The following FAM184B variants were observed in gnomAD, a reference collection of about 807,000 sequenced individuals.
The protein encoded by FAM184B is family with sequence similarity 184 member B, also known as protein FAM184B.
FAM184B carries 111 observed loss-of-function variants against 135.9 expected under a neutral mutation model. The observed-to-expected ratio is 0.82, with a 90% CI of 0.70 to 0.96. The LOEUF (loss-of-function observed/expected upper bound fraction) is 0.96. Ranked by LOEUF, FAM184B falls within the 40% of genes least tolerant of loss-of-function variation. The probability of loss-of-function intolerance (pLI) is 0.00; values close to 1 mark genes in which losing one functional copy is unlikely to be tolerated. For synonymous variants in FAM184B, 552 were observed against 524.8 expected, an observed-to-expected ratio of 1.05 and a Z score of -0.71; for missense variants, 1,375 against 1,323.9, an observed-to-expected ratio of 1.04 and a Z score of -0.60.
chr4:17,652,904 G>A lies in FAM184B; in HGVS notation c.2117C>T (p.Ala706Val), dbSNP rs1400852491. Residue 706 changes from alanine to valine, a missense_variant, in exon 11 of 18, where the codon GCC (alanine) becomes GTC (valine). Transcript: ENST00000265018. ...CTCTTGCCTGGCCTTTTCCTCCAAG[G>A]CCTGGAGCTCCAGTCGGTGTGTCTG... is the stretch of plus-strand genomic sequence containing the variant. The part of the protein sequence containing the change: ...QHQTHRLELQ[A>V]LEEKARQELQ... 7.1e-6 allele frequency: 11 copies of A among 1,551,728 alleles called. No individual in the cohort carries two copies. The highest frequency in any genetic ancestry group is 7.8e-6 in the Non-Finnish European group (9 of 1,146,994).
intron 16 of FAM184B, 148 bp downstream of exon 16, chr4:17,634,861 C>T (rs1212548814): frequency 5.6e-6 from 3 of 532,580 alleles, no homozygotes; most frequent in Non-Finnish European, 9.8e-6. Context: ...ATAATCCGCC[C>T]AGCCATAGAT....
intron 13 of FAM184B, among the ~76,000 whole-genome samples, chr4:17,640,944 T>C (rs1256153499): frequency 6.6e-6 from 1 of 152,174 alleles, no homozygotes; most frequent in Non-Finnish European, 1.5e-5. Flanking sequence ...TTGTTTGTTT[T>C]GTTTTTTGAG....
chr4:17,741,456 G>A (rs1484054414), intron 1 of FAM184B, among the ~76,000 whole-genome samples: 1 of 152,196 alleles, frequency 6.6e-6, no homozygotes, highest in Non-Finnish European at 1.5e-5. Context: ...CACTTTGGGA[G>A]GCCGAGGCAG....
intron 1 of FAM184B, among the ~76,000 whole-genome samples, chr4:17,762,357 C>G (rs544427186): frequency 5.1e-4 from 77 of 152,288 alleles, no homozygotes; most frequent in Admixed American, 8.5e-4. Context: ...CAATAAGACA[C>G]ACATATTCTC....
At chr4:17,780,941 A>T (rs1289753647) in intron 1 of FAM184B, among the ~76,000 whole-genome samples, 1 of 151,990 alleles carries the variant, frequency 6.6e-6, no homozygotes, top group Non-Finnish European at 1.5e-5. Flanking sequence ...AGGCTGTGGG[A>T]GTTTCCTTGG....
chr4:17,696,445 G>A (rs1304310868), intron 5 of FAM184B, among the ~76,000 whole-genome samples: 2 of 152,156 alleles, frequency 1.3e-5, no homozygotes, highest in African/African-American at 2.4e-5. Flanking sequence ...AACCGGACGG[G>A]ACCAGGCAGG....
intron 1 of FAM184B, among the ~76,000 whole-genome samples, chr4:17,715,350 C>T (rs1021636190): frequency 2.6e-5 from 4 of 152,068 alleles, no homozygotes; most frequent in Non-Finnish European, 4.4e-5. Context: ...TGGTGTGCAC[C>T]TGTAATCCCA....
intron 5 of FAM184B, among the ~76,000 whole-genome samples, chr4:17,695,412 C>T (rs552994966): frequency 6.6e-6 from 1 of 152,156 alleles, no homozygotes; most frequent in South Asian, 2.1e-4. Flanking sequence ...GCGATCCTCC[C>T]ACTTTCACCT....
intron 14 of FAM184B, 26 bp from the exon 15 acceptor site, chr4:17,636,671 G>A (rs1219259844): frequency 2.0e-6 from 3 of 1,511,502 alleles, no homozygotes; most frequent in Non-Finnish European, 2.7e-6. Context: ...ATGCAGTCAA[G>A]TCCCCCTTAC....
At chr4:17,649,769 CCTCT>C (rs1443541946) in intron 11 of FAM184B, among the ~76,000 whole-genome samples, 3 of 152,042 alleles carry the variant, frequency 2.0e-5, no homozygotes, top group Non-Finnish European at 4.4e-5. Flanking sequence ...TCTTTACCCT[CCTCT>C]CTCATACCTT....
rs112696284 is a variant in FAM184B, at chr4:17,662,414, T to A, written c.1694+2148A>T. ...GTGCAGTGGCACAATCTCGGCTCGC[T>A]GCAACCTCTGCCTCCCAGGTTCAAG... On this transcript the variant is annotated intron_variant, in intron 8 of 17. Coordinates refer to ENST00000265018, the MANE Select transcript of FAM184B (RefSeq NM_015688.2). 1.3e-4 allele frequency among the ~76,000 whole-genome samples: 20 copies of A among 152,270 alleles called. 2 individuals carry two copies. Among genetic ancestry groups the A allele is most frequent in the African/African-American group, 4.3e-4 (18 of 41,546 alleles).
rs34886078 is a variant in FAM184B, at chr4:17,641,643, CTTTTTT to C, written c.2519+407_2519+412del. The stretch of plus-strand genomic sequence containing the variant: ...ACAGGCACACACCACCACGCCCGGC[CTTTTTT>C]TTTTTTTTTTTTTTTTTTTTTTGTA... On this transcript the variant is annotated intron_variant, in intron 13 of 17. Transcript: ENST00000265018. 9.0e-4 allele frequency among the ~76,000 whole-genome samples: 22 copies of C among 24,376 alleles called. No homozygotes were observed. In the East Asian group the frequency reaches 0.027, roughly 29 times the overall value. 16.0% of individuals were successfully genotyped at this position (24,376 alleles called of 152,430 possible). A position where few individuals can be genotyped will look rare whatever the true frequency, so the allele number is the denominator to read the frequency against.
At chr4:17,660,883 G>C (rs1004455855) in intron 8 of FAM184B, among the ~76,000 whole-genome samples, 3 of 152,156 alleles carry the variant, frequency 2.0e-5, no homozygotes, top group African/African-American at 7.2e-5. Flanking sequence ...CAGAGCTCCA[G>C]AGGTGGGGTT....
chr4:17,711,034 A>G (rs911558357), intron 1 of FAM184B, among the ~76,000 whole-genome samples: 1 of 152,174 alleles, frequency 6.6e-6, no homozygotes, highest in Non-Finnish European at 1.5e-5. Context: ...TATTTGTAGG[A>G]TGATGGGAAT....
intron 1 of FAM184B, among the ~76,000 whole-genome samples, chr4:17,767,176 C>T (rs1487367906): frequency 6.6e-6 from 1 of 152,188 alleles, no homozygotes; most frequent in Admixed American, 6.5e-5. Flanking sequence ...CAGGTTCCCG[C>T]CCGTGCCTCT....
intron 12 of FAM184B, among the ~76,000 whole-genome samples, chr4:17,644,519 T>C (rs1715410981): frequency 6.6e-6 from 1 of 152,296 alleles, no homozygotes; most frequent in South Asian, 2.1e-4. Context: ...GAAAAGGCCT[T>C]TGACAAAATT....
At chr4:17,647,047 T>C (rs1715486578) in intron 12 of FAM184B, among the ~76,000 whole-genome samples, 1 of 152,164 alleles carries the variant, frequency 6.6e-6, no homozygotes, top group Non-Finnish European at 1.5e-5. Context: ...CCAGACCAGC[T>C]GCATCGAGGG....
intron 1 of FAM184B, among the ~76,000 whole-genome samples, chr4:17,739,625 C>A (rs1717985531): frequency 8.0e-6 from 1 of 124,900 alleles, no homozygotes; most frequent in Non-Finnish European, 1.6e-5. Flanking sequence ...GCCATCTTGG[C>A]TCACCGGCAA....
intron 8 of FAM184B, 74 bp from the exon 9 acceptor site, chr4:17,660,161 C>CA (rs1171366584): frequency 6.7e-7 from 1 of 1,495,688 alleles, no homozygotes; most frequent in Non-Finnish European, 9.0e-7. Context: ...GATAACGTGC[C>CA]AGCCACTGTG....
Sources: allele counts gnomAD v4.1 joint callset (sites outside exome capture counted in the v4.1 genomes callset), GRCh38; gene constraint gnomAD v4.1.1; transcripts MANE v1.5; gene names NCBI Gene and HGNC (gene_info 2026-07-23, HGNC 2026-07-21).